TAF4B: variants seen among roughly 807,000 people sequenced by gnomAD.
TAF4B encodes transcription initiation factor TFIID subunit 4B.
TAF4B carries 38 observed loss-of-function variants against 86.4 expected under a neutral mutation model. The ratio of observed to expected loss-of-function variants is 0.44; its 90% CI spans 0.34 to 0.58. The LOEUF (loss-of-function observed/expected upper bound fraction) is 0.58. TAF4B is among the 20% of genes least tolerant of loss of function. TAF4B has a pLI of 0.02. For synonymous variants in TAF4B, 388 were observed against 391.2 expected (o/e 0.99, Z 0.10); for missense variants, 988 against 1,027.6 (o/e 0.96, Z 0.53).
chr18:26,341,524 TAAAG>T (rs1388660313), intron 13 of TAF4B, among the ~76,000 whole-genome samples: 19 of 152,292 alleles, frequency 1.2e-4, no homozygotes, highest in African/African-American at 3.4e-4. Flanking sequence ...TGGTTTAAGT[TAAAG>T]AGAGAAGGTG....
chr18:26,247,831 G>A (rs568939942), intron 1 of TAF4B, among the ~76,000 whole-genome samples: 25 of 152,092 alleles, frequency 1.6e-4, no homozygotes, highest in Non-Finnish European at 2.9e-4. Context: ...GGCCAAGATC[G>A]TGCCACTGCA....
At chr18:26,378,211 G>A (rs1273003072) in intron 14 of TAF4B, among the ~76,000 whole-genome samples, 3 of 152,024 alleles carry the variant, frequency 2.0e-5, no homozygotes, top group Admixed American at 6.6e-5. Context: ...ACATCGTGAG[G>A]GGGCAAATTC....
At chr18:26,330,443 G>T (rs763688206) in intron 12 of TAF4B, among the ~76,000 whole-genome samples, 4 of 151,954 alleles carry the variant, frequency 2.6e-5, no homozygotes, top group Non-Finnish European at 5.9e-5. Context: ...TATACTTTTC[G>T]TGCTCTAGCC....
At chr18:26,335,306 A>G in intron 13 of TAF4B, 75 bp downstream of exon 13, 1 of 1,351,678 alleles carries the variant, frequency 7.4e-7, no homozygotes, top group Admixed American at 1.7e-5. Flanking sequence ...CAATTAGGTC[A>G]GGGTTTATTT....
intron 7 of TAF4B, among the ~76,000 whole-genome samples, chr18:26,291,273 T>C (rs2056589000): frequency 6.6e-6 from 1 of 152,062 alleles, no homozygotes; most frequent in African/African-American, 2.4e-5. Flanking sequence ...TTTGTCTTGT[T>C]TTTTTGAGAC....
intron 13 of TAF4B, among the ~76,000 whole-genome samples, chr18:26,355,756 C>G (rs1049291226): frequency 3.3e-5 from 5 of 152,124 alleles, no homozygotes; most frequent in African/African-American, 1.2e-4. Context: ...TAAAATATAG[C>G]TTGTTGTTTG....
intron 14 of TAF4B, among the ~76,000 whole-genome samples, chr18:26,370,445 T>G (rs1032183243): frequency 6.6e-6 from 1 of 152,228 alleles, no homozygotes; most frequent in African/African-American, 2.4e-5. Flanking sequence ...CTATTTCTAT[T>G]GAACCACCCT....
At position 26,274,967 on chromosome 18, in the gene TAF4B, C is replaced by T. The variant is rs1464918681; in HGVS notation, c.796C>T (p.Leu266Phe). ...LENVKKCKNF[L>F]AMLIKLACSG... ...AAATGTGAAGAAATGCAAGAACTTC[C>T]TTGCAATGTTAATAAAACTAGCATG... Residue 266 changes from leucine (L) to phenylalanine (F), a missense_variant, in exon 5 of 15, where the codon CTT (leucine) becomes TTT (phenylalanine). Around this residue, in one of 3 missense-constraint regions of TAF4B, gnomAD observed 747 missense variants for 737.9 expected, o/e 1.01. Transcript: ENST00000269142. 1 of 1,613,302 alleles carries T rather than the reference C, an allele frequency of 6.2e-7. No homozygotes were observed. Among genetic ancestry groups the T allele is most frequent in the Admixed American group, 1.7e-5 (1 of 59,930 alleles).
intron 14 of TAF4B, among the ~76,000 whole-genome samples, chr18:26,363,520 G>C (rs1287256107): frequency 6.6e-6 from 1 of 151,982 alleles, no homozygotes; most frequent in African/African-American, 2.4e-5. Context: ...ACTCCAGCCT[G>C]GGTGACACAG....
At chr18:26,280,344 C>G (rs1003817311) in intron 5 of TAF4B, among the ~76,000 whole-genome samples, 1 of 152,024 alleles carries the variant, frequency 6.6e-6, no homozygotes, top group Non-Finnish European at 1.5e-5. Flanking sequence ...GGCTTCTGCA[C>G]AGCAGAAGAT....
intron 1 of TAF4B, among the ~76,000 whole-genome samples, chr18:26,257,337 G>A (rs2056099484): frequency 6.6e-6 from 1 of 152,032 alleles, no homozygotes; most frequent in Admixed American, 6.6e-5. Context: ...TTTATCTCTT[G>A]TTTAAAGTCT....
chr18:26,236,617 C>T (rs970343856), intron 1 of TAF4B, among the ~76,000 whole-genome samples: 19 of 152,114 alleles, frequency 1.2e-4, no homozygotes, highest in African/African-American at 4.6e-4. Flanking sequence ...TTAAAGTGTC[C>T]TTGCAAACCA....
At chr18:26,240,126 A>C (rs542232477) in intron 1 of TAF4B, among the ~76,000 whole-genome samples, 90 of 152,318 alleles carry the variant, frequency 5.9e-4, no homozygotes, top group Middle Eastern at 6.8e-3. Context: ...TCTGTGAAGA[A>C]AGTCATTGGT....
At chr18:26,314,278 T>C (rs2056880286) in intron 9 of TAF4B, among the ~76,000 whole-genome samples, 1 of 152,232 alleles carries the variant, frequency 6.6e-6, no homozygotes, top group Admixed American at 6.5e-5. Context: ...AAGATGCTTC[T>C]TATTACATAT....
rs1202008455 is a variant in TAF4B, at chr18:26,346,759, G to GTGTGTATATATATATATATA, written c.2317-10930_2317-10929insGTGTATATATATATATATAT. 2.9e-4 allele frequency among the ~76,000 whole-genome samples: 8 copies of GTGTGTATATATATATATATA among 27,142 alleles called. 1 individual carries two copies. The highest frequency in any genetic ancestry group is 3.9e-3 in the East Asian group (2 of 512). The allele number at this position is 27,142 out of a possible 152,430, so 17.8% of individuals were successfully genotyped here. A position where few individuals can be genotyped will look rare whatever the true frequency, so the allele number is the denominator to read the frequency against. Reference sequence around the variant, plus strand: ...CAAGAATATATATATATATATGTGTGTATATATATATATATGTGTGTGTAT... The same window carrying GTGTGTATATATATATATATA: ...CAAGAATATATATATATATATGTGTGTGTGTATATATATATATATATATATATATATATATGTGTGTGTAT... On this transcript the variant is annotated intron_variant, in intron 13 of 14. Transcript: ENST00000269142.
At chr18:26,276,833 G>A (rs12953329) in intron 5 of TAF4B, among the ~76,000 whole-genome samples, 31,681 of 151,964 alleles carry the variant, frequency 0.21, 4,141 homozygotes, top group Non-Finnish European at 0.3. Flanking sequence ...AAATGAATAC[G>A]TATCCCATAA....
intron 11 of TAF4B, among the ~76,000 whole-genome samples, chr18:26,326,192 C>G (rs982626814): frequency 1.4e-4 from 21 of 152,184 alleles, no homozygotes; most frequent in African/African-American, 4.8e-4. Context: ...CTGTCCCCCA[C>G]TCCTGCCTAT....
intron 1 of TAF4B, among the ~76,000 whole-genome samples, chr18:26,235,313 C>T (rs2055732598): frequency 6.6e-6 from 1 of 152,048 alleles, no homozygotes; most frequent in Non-Finnish European, 1.5e-5. Flanking sequence ...CCAAGGAACC[C>T]CCGCAACTGT....
At chr18:26,293,556 G>T (rs2056623492) in intron 9 of TAF4B, 25 bp downstream of exon 9, 1 of 1,488,334 alleles carries the variant, frequency 6.7e-7, no homozygotes, top group Non-Finnish European at 9.0e-7. Context: ...AGTTAAATTT[G>T]GTTTAAGGAA....
Sources: allele counts gnomAD v4.1 joint callset (sites outside exome capture counted in the v4.1 genomes callset), GRCh38; gene constraint gnomAD v4.1.1; regional missense constraint gnomAD v4.1.1; transcripts MANE v1.5; gene names NCBI Gene and HGNC (gene_info 2026-07-23, HGNC 2026-07-21).